STK31: variants seen among roughly 807,000 people sequenced by gnomAD.
The protein encoded by STK31 is serine/threonine-protein kinase 31.
A neutral mutation model predicts 129.7 loss-of-function variants in STK31; 89 were observed. The ratio of observed to expected loss-of-function variants is 0.69; its 90% CI spans 0.58 to 0.82. The LOEUF (loss-of-function observed/expected upper bound fraction) is 0.82. STK31 is among the 40% of genes least tolerant of loss of function. The pLI, the probability that STK31 is intolerant of heterozygous loss-of-function variation, is 0.00. For synonymous variants in STK31, 448 were observed against 395.3 expected, an observed-to-expected ratio of 1.13 and a Z score of -1.58; for missense variants, 1,187 against 1,176.4, an observed-to-expected ratio of 1.01 and a Z score of -0.13.
intron 10 of STK31, among the ~76,000 whole-genome samples, chr7:23,760,748 C>T (rs1218464767): frequency 2.6e-5 from 4 of 152,184 alleles, no homozygotes; most frequent in Non-Finnish European, 4.4e-5. Context: ...CAGCCTCAAC[C>T]TCCAGGGCAC....
chr7:23,723,806 A>T (rs940527371), intron 4 of STK31, among the ~76,000 whole-genome samples: 4 of 152,192 alleles, frequency 2.6e-5, no homozygotes, highest in Admixed American at 2.6e-4. Context: ...GTTGTATTAC[A>T]CTAACAGAGC....
chr7:23,824,425 T>A (rs1214395991), intron 23 of STK31, among the ~76,000 whole-genome samples: 2 of 152,226 alleles, frequency 1.3e-5, no homozygotes, highest in African/African-American at 4.8e-5. Flanking sequence ...ATAAGAATGC[T>A]TGTGATTTTT....
rs1554297249 is a variant in STK31, at chr7:23,808,943, T to TTGTGTGTGTGTGTGTGTG, written c.2761-6190_2761-6173dup. Among the ~76,000 whole-genome samples the TTGTGTGTGTGTGTGTGTG allele has an allele frequency of 5.8e-3, 491 of 84,512 alleles. 3 individuals are homozygous for TTGTGTGTGTGTGTGTGTG. Among genetic ancestry groups the TTGTGTGTGTGTGTGTGTG allele is most frequent in the South Asian group, 6.4e-3 (12 of 1,880 alleles). The allele number at this position is 84,512 out of a possible 152,430, so 55.4% of individuals were successfully genotyped here. Reference sequence around the variant, plus strand: ...AGGAAGCAGGCTTTTCTTGGAGCTTTTGTGTGTGTGTGTGTGTGTGTGTGT... The same window carrying TTGTGTGTGTGTGTGTGTG: ...AGGAAGCAGGCTTTTCTTGGAGCTTTTGTGTGTGTGTGTGTGTGTGTGTGTGTGTGTGTGTGTGTGTGT... On this transcript the variant is annotated intron_variant, in intron 22 of 23. Transcript: ENST00000355870.
At chr7:23,831,019 T>C (rs1794513064) in intron 23 of STK31, among the ~76,000 whole-genome samples, 1 of 152,224 alleles carries the variant, frequency 6.6e-6, no homozygotes, top group Non-Finnish European at 1.5e-5. Flanking sequence ...TTTTAAAACA[T>C]TTTTTGAGCT....
chr7:23,786,546 TGA>T lies in STK31; in HGVS notation c.2319_2320del (p.Arg773SerfsTer6). On this transcript the variant is annotated frameshift_variant, in exon 19 of 24. Coordinates refer to ENST00000355870, the MANE Select transcript of STK31 (RefSeq NM_031414.5). LOFTEE classifies it high-confidence loss of function. ...ATGTTGACACAGAAGCCAAGGTGAT[TGA>T]GAGAGCAGCCACCTACCATAGAGCT... ...VDVDTEAKVI[E>X]RAATYHRAWR... 1 of 1,613,644 alleles carries T rather than the reference TGA, an allele frequency of 6.2e-7. No homozygotes were observed. The highest frequency in any genetic ancestry group is 8.5e-7 in the Non-Finnish European group (1 of 1,179,766).
intron 8 of STK31, among the ~76,000 whole-genome samples, chr7:23,739,013 A>G (rs1299756109): frequency 6.6e-6 from 1 of 152,178 alleles, no homozygotes; most frequent in Non-Finnish European, 1.5e-5. Flanking sequence ...TGCTGGGTCA[A>G]ATGGTATTTC....
upstream of STK31, chr7:23,710,106 C>T (rs1296358722): frequency 9.5e-7 from 1 of 1,055,962 alleles, no homozygotes; most frequent in East Asian, 2.6e-5. Flanking sequence ...CAGCCAGCGT[C>T]AGGCGGCTCC....
At chr7:23,743,433 G>C (rs1338458998) in intron 8 of STK31, among the ~76,000 whole-genome samples, 1 of 152,132 alleles carries the variant, frequency 6.6e-6, no homozygotes, top group Non-Finnish European at 1.5e-5. Flanking sequence ...TTGACTAGCA[G>C]TTTCCTTTCA....
In STK31 at chr7:23,786,825, T is replaced by C; in HGVS notation, c.2401-13T>C. ...TTTTTACTTGGAGTCACATTCTCTG[T>C]TTTGCTTCTTAGTCTGATCCTATGG... On this transcript the variant is annotated splice_polypyrimidine_tract_variant and intron_variant, in intron 19 of 23. Coordinates refer to ENST00000355870, the MANE Select transcript of STK31 (RefSeq NM_031414.5). 6.2e-7 allele frequency: 1 copy of C among 1,607,052 alleles called. No individual in the cohort carries two copies. Among genetic ancestry groups the C allele is most frequent in the East Asian group, 2.2e-5 (1 of 44,836 alleles).
intron 8 of STK31, among the ~76,000 whole-genome samples, chr7:23,749,312 C>T (rs1584378563): frequency 6.6e-6 from 1 of 151,132 alleles, no homozygotes. Context: ...CTAGAGTATG[C>T]CTTGTAATTT....
intron 23 of STK31, among the ~76,000 whole-genome samples, chr7:23,821,410 T>C (rs188477981): frequency 6.6e-6 from 1 of 152,312 alleles, no homozygotes; most frequent in Non-Finnish European, 1.5e-5. Context: ...ATTTCTCTGA[T>C]GATTAGTGAT....
chr7:23,737,546 T>C (rs1787789126), intron 8 of STK31, among the ~76,000 whole-genome samples: 1 of 152,220 alleles, frequency 6.6e-6, no homozygotes, highest in South Asian at 2.1e-4. Flanking sequence ...ATAATACTAT[T>C]CATACTTAAA....
intron 11 of STK31, among the ~76,000 whole-genome samples, chr7:23,763,166 G>C (rs931465154): frequency 6.6e-6 from 1 of 152,092 alleles, no homozygotes; most frequent in African/African-American, 2.4e-5. Context: ...TATTCACTGG[G>C]GAAATTAATG....
At position 23,710,263 on chromosome 7, in the gene STK31, G is replaced by A. The variant is rs766094933; in HGVS notation, c.-23G>A. ...TAAGCCGCTGCACGTGTGCTACGGC[G>A]GGCGGAGGGCCGAAAGTCCAGTATG... On this transcript the variant is annotated 5_prime_UTR_variant, in exon 1 of 24. Coordinates refer to ENST00000355870, the MANE Select transcript of STK31 (RefSeq NM_031414.5). 6 of 1,610,522 alleles carry A rather than the reference G, an allele frequency of 3.7e-6. No homozygotes were observed. Among genetic ancestry groups the A allele is most frequent in the East Asian group, 2.2e-5 (1 of 44,758 alleles).
At chr7:23,721,316 T>C in intron 4 of STK31, 1 of 671,696 alleles carries the variant, frequency 1.5e-6, no homozygotes, top group Non-Finnish European at 2.6e-6. Flanking sequence ...ACTATTTGTC[T>C]CTAAAATATG....
At chr7:23,782,488 AAAAAG>A (rs1428227829) in intron 16 of STK31, among the ~76,000 whole-genome samples, 4 of 150,800 alleles carry the variant, frequency 2.7e-5, no homozygotes, top group Non-Finnish European at 4.4e-5. Flanking sequence ...AAAAAAAAAA[AAAAAG>A]AAAAGAAAAG....
intron 23 of STK31, among the ~76,000 whole-genome samples, chr7:23,823,250 C>T (rs1793900694): frequency 1.3e-5 from 2 of 152,180 alleles, no homozygotes; most frequent in African/African-American, 4.8e-5. Context: ...ACATCATCTC[C>T]AGCACCTGTT....
At chr7:23,747,751 G>T (rs1015921553) in intron 8 of STK31, among the ~76,000 whole-genome samples, 1 of 152,088 alleles carries the variant, frequency 6.6e-6, no homozygotes, top group Non-Finnish European at 1.5e-5. Context: ...CAAATTTGTG[G>T]GACTTGAGTT....
chr7:23,735,716 G>A lies in STK31; in HGVS notation c.662G>A (p.Cys221Tyr). 1 of 1,614,002 alleles carries A rather than the reference G, an allele frequency of 6.2e-7. No homozygotes were observed. Among genetic ancestry groups the A allele is most frequent in the African/African-American group, 1.3e-5 (1 of 75,024 alleles). The change falls in exon 7 of 24, where the codon TGT (cysteine) becomes TAT (tyrosine). Residue 221 changes from cysteine (C) to tyrosine (Y), a missense_variant. Physicochemically the swap from Cys to Tyr is radical, Grantham distance 194. Coordinates refer to ENST00000355870, the MANE Select transcript of STK31 (RefSeq NM_031414.5). ...KCRLASRTDI[C>Y]EEKKLDPGQL... ...AGACTTGCTTCCAGAACTGACATCT[G>A]TGAGGAAAAAAAATTGGATCCTGGT... is the stretch of plus-strand genomic sequence containing the variant.
Sources: allele counts gnomAD v4.1 joint callset (sites outside exome capture counted in the v4.1 genomes callset), GRCh38; gene constraint gnomAD v4.1.1; transcripts MANE v1.5; gene names NCBI Gene and HGNC (gene_info 2026-07-23, HGNC 2026-07-21).